SNX31: variants seen among roughly 807,000 people sequenced by gnomAD.
The protein encoded by SNX31 is sorting nexin-31.
A neutral mutation model predicts 65.4 loss-of-function variants in SNX31; 58 were observed. The observed-to-expected ratio is 0.89, with a 90% CI of 0.72 to 1.10. The LOEUF is 1.10. Among genes scored for constraint, SNX31 ranks in the 50% least tolerant of loss-of-function variants. The probability of loss-of-function intolerance (pLI) is 0.00; values close to 1 mark genes in which losing one functional copy is unlikely to be tolerated. For synonymous variants in SNX31, 181 were observed against 190.1 expected, an observed-to-expected ratio of 0.95 and a Z score of 0.39; for missense variants, 523 against 529.7, an observed-to-expected ratio of 0.99 and a Z score of 0.12.
intron 10 of SNX31, 26 bp downstream of exon 10, chr8:100,596,613 G>A: frequency 6.2e-7 from 1 of 1,604,474 alleles, no homozygotes; most frequent in South Asian, 1.1e-5. Flanking sequence ...TAAGTCATGG[G>A]CAAAGCAAGG....
chr8:100,639,275 A>G (rs1292419411), intron 2 of SNX31, among the ~76,000 whole-genome samples: 2 of 152,236 alleles, frequency 1.3e-5, no homozygotes, highest in Non-Finnish European at 2.9e-5. Flanking sequence ...TGATAAAACT[A>G]TGTTACAAAT....
chr8:100,619,583 G>T (rs769338063), intron 4 of SNX31, among the ~76,000 whole-genome samples: 1 of 152,236 alleles, frequency 6.6e-6, no homozygotes, highest in Non-Finnish European at 1.5e-5. Flanking sequence ...ACACCAGGAG[G>T]AAGCAGGATC....
intron 10 of SNX31, among the ~76,000 whole-genome samples, chr8:100,595,305 G>A (rs1814972493): frequency 6.8e-6 from 1 of 147,938 alleles, no homozygotes; most frequent in Non-Finnish European, 1.5e-5. Flanking sequence ...GAGATAGAGG[G>A]AATTTGTTGT....
chr8:100,598,641 G>GA (rs1194456823), intron 9 of SNX31, among the ~76,000 whole-genome samples: 2 of 149,906 alleles, frequency 1.3e-5, no homozygotes, highest in African/African-American at 5.1e-5. Flanking sequence ...ATTCTACAAG[G>GA]ATTCTCTACT....
In SNX31 at chr8:100,649,487, A is replaced by G. The variant is rs2131305236; in HGVS notation, c.28T>C (p.Ser10Pro). MKMHFCIPV[S>P]QQRSDALGGR... ...CCCAGCGCGTCGGACCGCTGCTGGG[A>G]CACCGGGATACAGAAATGCATCTTC... Residue 10 changes from serine to proline, a missense_variant, in exon 1 of 14, where the codon TCC (serine) becomes CCC (proline). By Grantham distance (74) the Ser-to-Pro change is moderately conservative (BLOSUM62 -1). Transcript: ENST00000311812. 6.8e-7 allele frequency: 1 copy of G among 1,470,578 alleles called. No homozygotes were observed. Among genetic ancestry groups the G allele is most frequent in the Non-Finnish European group, 9.1e-7 (1 of 1,097,732 alleles). The allele number at this position is 1,470,578 out of a possible 1,614,324, so 91.1% of individuals were successfully genotyped here. A position where few individuals can be genotyped will look rare whatever the true frequency, so the allele number is the denominator to read the frequency against.
intron 8 of SNX31, among the ~76,000 whole-genome samples, chr8:100,601,650 A>G (rs1014739209): frequency 6.6e-6 from 1 of 152,174 alleles, no homozygotes; most frequent in Non-Finnish European, 1.5e-5. Context: ...AAAGTTGAAT[A>G]TATTGTTGGG....
upstream of SNX31, chr8:100,663,526 GCAGTCA>G (rs1809821875): frequency 6.6e-6 from 1 of 152,006 alleles, no homozygotes; most frequent in Non-Finnish European, 1.5e-5. Flanking sequence ...CAGCTCTGAA[GCAGTCA>G]CAGTGGAGCC....
chr8:100,640,618 A>G (rs1048127223), intron 2 of SNX31, among the ~76,000 whole-genome samples: 23 of 152,342 alleles, frequency 1.5e-4, no homozygotes, highest in African/African-American at 5.5e-4. Context: ...CAAGAGTGTA[A>G]GTCAGATGAT....
rs894119380 is a variant in SNX31 at position 100,588,425 on chromosome 8, T to C, written c.1092+441A>G. Among the ~76,000 whole-genome samples the C allele has an allele frequency of 1.3e-5, 2 of 152,222 alleles. No individual in the cohort carries two copies. The highest frequency in any genetic ancestry group is 4.8e-5 in the African/African-American group (2 of 41,462). ...AATCTGTATTGCCTAAGTCAGGGGT[T>C]GGCAAACAAGGCCAGACCACCATCT... On this transcript the variant is annotated intron_variant, in intron 11 of 13. Coordinates refer to ENST00000311812, the MANE Select transcript of SNX31 (RefSeq NM_152628.4). The surrounding 1 kb of genome is among the most constrained non-coding windows in gnomAD (Gnocchi z 4.8).
In SNX31 at chr8:100,609,519, G is replaced by A. The variant is rs796733460; in HGVS notation, c.612-956C>T. Among the ~76,000 whole-genome samples the A allele has an allele frequency of 2.0e-5, 3 of 152,218 alleles. No individual in the cohort carries two copies. The highest frequency in any genetic ancestry group is 2.1e-4 in the South Asian group (1 of 4,822). Reference sequence around the variant, plus strand: ...GTCTGCCTGTCAGATCCAGAATCACGAGGAACTGAAATTAATGACTGTAGA... The same window carrying A: ...GTCTGCCTGTCAGATCCAGAATCACAAGGAACTGAAATTAATGACTGTAGA... On this transcript the variant is annotated intron_variant, in intron 7 of 13. Transcript: ENST00000311812. This position sits in a 1 kb window ranked among gnomAD's most constrained non-coding sequence, Gnocchi z 4.9.
In SNX31 at chr8:100,610,998, C is replaced by T. The variant is rs1816664713; in HGVS notation, c.611+1002G>A. On this transcript the variant is annotated intron_variant, in intron 7 of 13. Coordinates refer to ENST00000311812, the MANE Select transcript of SNX31 (RefSeq NM_152628.4). This position sits in a 1 kb window ranked among gnomAD's most constrained non-coding sequence, Gnocchi z 4.0. ...GCTGCAGGTTATAGGACTGGGGGTG[C>T]ATAAGGTCCTGCTGCTCAGCGCTAT... 6.6e-6 allele frequency among the ~76,000 whole-genome samples: 1 copy of T among 152,212 alleles called. No individual in the cohort carries two copies. The highest frequency in any genetic ancestry group is 6.5e-5 in the Admixed American group (1 of 15,272).
Position 100,604,143 on chromosome 8 carries a change from G to A in SNX31, c.682-3702C>T, listed in dbSNP as rs1815920203. ...CTCACTCTGAGTAGGTCCAGACAAT[G>A]AGAGTCGAGTCTAGACAAGTCTACT... is the stretch of plus-strand genomic sequence containing the variant. On this transcript the variant is annotated intron_variant, in intron 8 of 13. Transcript: ENST00000311812. The surrounding 1 kb of genome is among the most constrained non-coding windows in gnomAD (Gnocchi z 4.3). Among the ~76,000 whole-genome samples, 1 of 152,176 alleles carries A rather than the reference G, an allele frequency of 6.6e-6. No individual in the cohort carries two copies. The highest frequency in any genetic ancestry group is 2.4e-5 in the African/African-American group (1 of 41,426).
At chr8:100,633,763 C>T (rs1818566203) in intron 3 of SNX31, among the ~76,000 whole-genome samples, 1 of 152,006 alleles carries the variant, frequency 6.6e-6, no homozygotes, top group South Asian at 2.1e-4. Context: ...CACATACACA[C>T]ACAAGGAAAA....
chr8:100,655,778 T>C (rs1406500372), intron 1 of SNX31, among the ~76,000 whole-genome samples: 1 of 152,194 alleles, frequency 6.6e-6, no homozygotes, highest in African/African-American at 2.4e-5. Flanking sequence ...AGGTTGCAGC[T>C]GCTGGGCCAA....
At chr8:100,645,724 A>C (rs1332460512) in intron 2 of SNX31, among the ~76,000 whole-genome samples, 6 of 144,560 alleles carry the variant, frequency 4.2e-5, no homozygotes, top group African/African-American at 1.6e-4. Flanking sequence ...CGATCCTCCC[A>C]CCTCAGGCTC....
In SNX31 at chr8:100,630,271, T is replaced by C; in HGVS notation, c.321+56A>G. 1 of 1,548,582 alleles carries C rather than the reference T, an allele frequency of 6.5e-7. No homozygotes were observed. Among genetic ancestry groups the C allele is most frequent in the Non-Finnish European group, 8.9e-7 (1 of 1,122,056 alleles). ...ATGTGTGTGTACCTGCACACTTGGT[T>C]CATGAAGAGTGTCCTGCAGAGGAAT... On this transcript the variant is annotated intron_variant, in intron 4 of 13. Transcript: ENST00000311812. This position sits in a 1 kb window ranked among gnomAD's most constrained non-coding sequence, Gnocchi z 5.3.
At chr8:100,628,702 G>T (rs1312917458) in intron 4 of SNX31, among the ~76,000 whole-genome samples, 1 of 151,898 alleles carries the variant, frequency 6.6e-6, no homozygotes, top group African/African-American at 2.4e-5. Context: ...TAACAAACCT[G>T]CATATTGTGC....
Position 100,576,076 on chromosome 8 carries a change from A to G in SNX31, c.1227+943T>C, listed in dbSNP as rs781389516. Among the ~76,000 whole-genome samples, 1 of 152,220 alleles carries G rather than the reference A, an allele frequency of 6.6e-6. No homozygotes were observed. The highest frequency in any genetic ancestry group is 2.4e-5 in the African/African-American group (1 of 41,468). ...ATCTGCCTAATGACACATAGCCAGT[A>G]AGCAGTGGAGTTCCTATCTCGTCTC... On this transcript the variant is annotated intron_variant, in intron 13 of 13. Transcript: ENST00000311812. The surrounding 1 kb of genome is among the most constrained non-coding windows in gnomAD (Gnocchi z 4.8).
chr8:100,580,953 G>A (rs1813442647), intron 12 of SNX31, among the ~76,000 whole-genome samples: 1 of 152,096 alleles, frequency 6.6e-6, no homozygotes, highest in South Asian at 2.1e-4. Flanking sequence ...CAGGAGCATA[G>A]CTTTAAGAAG....
Sources: gnomAD v4.1 joint callset for allele counts (sites outside exome capture counted in the v4.1 genomes callset) on GRCh38, gnomAD v4.1.1 for gene constraint, Gnocchi (gnomAD v3.1) non-coding constraint, MANE v1.5 for transcripts, NCBI Gene and HGNC (gene_info 2026-07-23, HGNC 2026-07-21) for gene names.